Variants in SLC7A5 observed in about 807,000 individuals in gnomAD.
SLC7A5 encodes solute carrier family 7 member 5, also known as large neutral amino acids transporter small subunit 1.
A neutral mutation model predicts 50.2 loss-of-function variants in SLC7A5; 23 were observed. The ratio of observed to expected loss-of-function variants is 0.46; its 90% CI spans 0.33 to 0.65. The LOEUF (loss-of-function observed/expected upper bound fraction) is 0.65. SLC7A5 is among the 30% of genes least tolerant of loss of function. The probability of loss-of-function intolerance (pLI) is 0.02; values close to 1 mark genes in which losing one functional copy is unlikely to be tolerated. For missense variants in SLC7A5, 578 were observed against 684.4 expected, an observed-to-expected ratio of 0.84 and a Z score of 1.73; for synonymous variants, 393 against 330.6, an observed-to-expected ratio of 1.19 and a Z score of -2.05.
chr16:87,840,996 A>G, intron 3 of SLC7A5, 54 bp downstream of exon 3: 2 of 1,243,984 alleles, frequency 1.6e-6, no homozygotes, highest in Non-Finnish European at 2.4e-6. Flanking sequence ...ATTCCTGGAC[A>G]CGTCAGGGAC....
chr16:87,847,095 G>A (rs1004536892), intron 2 of SLC7A5, among the ~76,000 whole-genome samples: 1 of 152,194 alleles, frequency 6.6e-6, no homozygotes, highest in African/African-American at 2.4e-5. Context: ...TCTGCTGGGA[G>A]CGCCTAGAAG....
rs1060257 is a variant in SLC7A5 at position 87,831,688 on chromosome 16, C to T, written c.*1282G>A. The T allele has an allele frequency of 0.32, 48,195 of 152,138 alleles. 8,061 individuals are homozygous for T. The highest frequency in any genetic ancestry group is 0.59 in the East Asian group (3,046 of 5,158). The allele number at this position is 152,138 out of a possible 1,614,324, so 9.4% of individuals were successfully genotyped here. A position where few individuals can be genotyped will look rare whatever the true frequency, so the allele number is the denominator to read the frequency against. On this transcript the variant is annotated 3_prime_UTR_variant, in exon 10 of 10. Transcript: ENST00000261622. The stretch of plus-strand genomic sequence containing the variant: ...CGGGGTCTTCTTGTTCTGGGGGTCC[C>T]TGGCTGCTGCCATGGAGGCAGCGAC...
At chr16:87,840,351 C>G (rs2055067485) in intron 4 of SLC7A5, 78 bp downstream of exon 4, 1 of 1,304,968 alleles carries the variant, frequency 7.7e-7, no homozygotes, top group Middle Eastern at 1.8e-4. Context: ...GACCAACAGG[C>G]TTCGAGTGGA....
At position 87,834,484 on chromosome 16, in the gene SLC7A5, G is replaced by A; in HGVS notation, c.1398C>T (p.Leu466=). The change falls in exon 9 of 10, where the codon CTC becomes CTT. Residue 466 remains leucine (L), a synonymous_variant. Coordinates refer to ENST00000261622, the MANE Select transcript of SLC7A5 (RefSeq NM_003486.7). ...CGAAGAAGTAGACGGGCAGCCCGCT[G>A]AGGATGATGGTGAAGCCGATGCCAC... The part of the protein sequence containing the change: ...VECGIGFTII[L]SGLPVYFFGV... 6.3e-7 allele frequency: 1 copy of A among 1,579,866 alleles called. No individual in the cohort carries two copies. Among genetic ancestry groups the A allele is most frequent in the Non-Finnish European group, 8.6e-7 (1 of 1,163,698 alleles).
intron 1 of SLC7A5, among the ~76,000 whole-genome samples, chr16:87,856,495 G>A (rs1236524812): frequency 1.3e-5 from 2 of 152,182 alleles, no homozygotes; most frequent in African/African-American, 2.4e-5. Context: ...CAGCTGGCCC[G>A]ACACCGGGCA....
chr16:87,846,744 C>G (rs966059373), intron 2 of SLC7A5, among the ~76,000 whole-genome samples: 2 of 152,246 alleles, frequency 1.3e-5, no homozygotes, highest in African/African-American at 4.8e-5. Flanking sequence ...GCACCAGACC[C>G]TCTGAAGCTG....
intron 2 of SLC7A5, among the ~76,000 whole-genome samples, chr16:87,842,232 C>T (rs141553814): frequency 1.2e-4 from 18 of 152,274 alleles, no homozygotes; most frequent in Non-Finnish European, 2.4e-4. Context: ...ATTAGAGAAC[C>T]GTGTGTGACA....
intron 1 of SLC7A5, among the ~76,000 whole-genome samples, chr16:87,864,418 C>A (rs2143832984): frequency 6.6e-6 from 1 of 152,328 alleles, no homozygotes; most frequent in East Asian, 1.9e-4. Context: ...GAGCGCCCAT[C>A]CTGCCCACTG....
intron 6 of SLC7A5, 110 bp from the exon 7 acceptor site, chr16:87,838,051 C>T: frequency 1.2e-6 from 1 of 864,864 alleles, no homozygotes; most frequent in Non-Finnish European, 1.9e-6. Flanking sequence ...TTGTCTGGGC[C>T]TCTCTGGCCA....
chr16:87,837,630 GAAT>G lies in SLC7A5; in HGVS notation c.1140+212_1140+214del, dbSNP rs989092037. The G allele has an allele frequency of 8.0e-5, 45 of 559,928 alleles. No homozygotes were observed. In the African/African-American group the frequency reaches 8.1e-4, roughly 10 times the overall value. 34.7% of individuals were successfully genotyped at this position (559,928 alleles called of 1,614,324 possible). On this transcript the variant is annotated intron_variant, in intron 7 of 9. Transcript: ENST00000261622. ...CTGCCTCCCGCATTTCCGATGGTCT[GAAT>G]CGTTTGTGGCAGCCACCATATATTA...
chr16:87,852,638 CTGTGTGTGTGTGTGTG>C lies in SLC7A5; in HGVS notation c.539-805_539-790del, dbSNP rs61164920. On this transcript the variant is annotated intron_variant, in intron 1 of 9. Transcript: ENST00000261622. The surrounding 1 kb of genome is among the most constrained non-coding windows in gnomAD (Gnocchi z 4.5). Reference sequence around the variant, plus strand: ...CTGTAAGGCACCCAGCTCTGAGCCTCTGTGTGTGTGTGTGTGTGTGTGTGTGTGTGTGTGTGTGTGT... The same window carrying C: ...CTGTAAGGCACCCAGCTCTGAGCCTCTGTGTGTGTGTGTGTGTGTGTGTGT... 8.9e-4 allele frequency among the ~76,000 whole-genome samples: 104 copies of C among 116,854 alleles called. No individual in the cohort carries two copies. Among genetic ancestry groups the C allele is most frequent in the African/African-American group, 2.7e-3 (82 of 30,704 alleles). The allele number at this position is 116,854 out of a possible 152,430, so 76.7% of individuals were successfully genotyped here.
intron 3 of SLC7A5, among the ~76,000 whole-genome samples, chr16:87,840,838 T>C (rs962435101): frequency 6.6e-6 from 1 of 151,656 alleles, no homozygotes; most frequent in Non-Finnish European, 1.5e-5. Context: ...AGAGCCAGAG[T>C]AGGGCTGCAG....
At chr16:87,839,630 C>G (rs991719291) in intron 5 of SLC7A5, 72 bp downstream of exon 5, 4 of 1,605,332 alleles carry the variant, frequency 2.5e-6, no homozygotes, top group African/African-American at 1.3e-5. Context: ...TGGGGCACCA[C>G]TCCGGTCTGG....
At chr16:87,845,120 G>A (rs1018074654) in intron 2 of SLC7A5, among the ~76,000 whole-genome samples, 1 of 152,194 alleles carries the variant, frequency 6.6e-6, no homozygotes, top group Non-Finnish European at 1.5e-5. Context: ...CTGCATGTCT[G>A]TTGCTAAAGC....
chr16:87,834,559 C>A lies in SLC7A5; in HGVS notation c.1323G>T (p.Leu441=). 1 of 1,598,312 alleles carries A rather than the reference C, an allele frequency of 6.3e-7. No individual in the cohort carries two copies. Among genetic ancestry groups the A allele is most frequent in the Non-Finnish European group, 8.5e-7 (1 of 1,174,230 alleles). Residue 441 remains leucine (L), a synonymous_variant, in exon 9 of 10, where the codon CTG becomes CTT. Transcript: ENST00000261622. ...VNLALPVFFI[L]ACLFLIAVSF... ...AGACGGCGATCAGGAAGAGGCAGGC[C>A]AGGATGAAGAACACAGGCAGGGCCA...
Position 87,869,257 on chromosome 16 carries a change from C to G in SLC7A5, c.166G>C (p.Val56Leu). Residue 56 changes from valine to leucine, a missense_variant, in exon 1 of 10, where the codon GTG becomes CTG. By Grantham distance (32) the Val-to-Leu change is conservative. Transcript: ENST00000261622. The part of the protein sequence containing the change: ...LQRNITLLNG[V>L]AIIVGTIIGS... ...ATAATGGTCCCCACGATGATGGCCA[C>G]GCCGTTGAGCAGCGTGATGTTCCGC... 3 of 1,612,640 alleles carry G rather than the reference C, an allele frequency of 1.9e-6. No individual in the cohort carries two copies. Among genetic ancestry groups the G allele is most frequent in the Non-Finnish European group, 2.5e-6 (3 of 1,179,854 alleles).
rs2055372958 is a variant in SLC7A5, at chr16:87,860,191, G to C, written c.539-8342C>G. On this transcript the variant is annotated intron_variant, in intron 1 of 9. Transcript: ENST00000261622. This position sits in a 1 kb window ranked among gnomAD's most constrained non-coding sequence, Gnocchi z 4.8. ...TCTACTAAAAACACAAAATTAGCTG[G>C]GCATGGTGGTGCATGCCTGTAGTCC... Among the ~76,000 whole-genome samples the C allele has an allele frequency of 1.3e-5, 2 of 151,632 alleles. No homozygotes were observed. The highest frequency in any genetic ancestry group is 4.8e-5 in the African/African-American group (2 of 41,240).
intron 1 of SLC7A5, among the ~76,000 whole-genome samples, chr16:87,855,783 G>A (rs1203769593): frequency 6.6e-6 from 1 of 152,028 alleles, no homozygotes; most frequent in African/African-American, 2.4e-5. Flanking sequence ...TGGGACCTGT[G>A]GGCCCCGGCT....
rs1009890559 is a variant in SLC7A5, at chr16:87,853,688, C to T, written c.539-1839G>A. 9.2e-5 allele frequency among the ~76,000 whole-genome samples: 14 copies of T among 152,124 alleles called. No individual in the cohort carries two copies. Among genetic ancestry groups the T allele is most frequent in the South Asian group, 2.1e-4 (1 of 4,822 alleles). On this transcript the variant is annotated intron_variant, in intron 1 of 9. Coordinates refer to ENST00000261622, the MANE Select transcript of SLC7A5 (RefSeq NM_003486.7). This position sits in a 1 kb window ranked among gnomAD's most constrained non-coding sequence, Gnocchi z 4.4. ...CACGACCATAAAAGAAACTGAGCCT[C>T]GGGGACCTAGCCGGCTTCTGGAGAG... is the stretch of plus-strand genomic sequence containing the variant.
Sources: gnomAD v4.1 joint callset for allele counts (sites outside exome capture counted in the v4.1 genomes callset) on GRCh38, gnomAD v4.1.1 for gene constraint, Gnocchi (gnomAD v3.1) non-coding constraint, MANE v1.5 for transcripts, NCBI Gene and HGNC (gene_info 2026-07-23, HGNC 2026-07-21) for gene names.